CCDC33: variants seen among roughly 807,000 people sequenced by gnomAD.
CCDC33 encodes coiled-coil domain containing 33, also known as coiled-coil domain-containing protein 33.
CCDC33 carries 94 observed loss-of-function variants against 91.9 expected under a neutral mutation model. The ratio of observed to expected loss-of-function variants is 1.02; its 90% CI spans 0.87 to 1.21. The LOEUF (loss-of-function observed/expected upper bound fraction) is 1.21. Among genes scored for constraint, CCDC33 ranks in the 50% most tolerant of loss-of-function variants. The pLI, the probability that CCDC33 is intolerant of heterozygous loss-of-function variation, is 0.00. For synonymous variants in CCDC33, 396 were observed against 374.5 expected (o/e 1.06, Z -0.66); for missense variants, 940 against 935.5 (o/e 1.00, Z -0.06).
Position 74,316,364 on chromosome 15 carries a change from GC to G in CCDC33, c.1291-13824del, listed in dbSNP as rs1169215936. 6.6e-6 allele frequency among the ~76,000 whole-genome samples: 1 copy of G among 152,232 alleles called. No homozygotes were observed. Among genetic ancestry groups the G allele is most frequent in the African/African-American group, 2.4e-5 (1 of 41,466 alleles). ...CAGGCTGAGCTCAGTGCATGCCTCTGCGTAGTGCATTATTGATGGGGCTTCT... is the reference window on the plus strand; with the variant it reads ...CAGGCTGAGCTCAGTGCATGCCTCTGGTAGTGCATTATTGATGGGGCTTCT... On this transcript the variant is annotated intron_variant, in intron 11 of 18. Coordinates refer to ENST00000398814, the MANE Select transcript of CCDC33 (RefSeq NM_025055.5). This position sits in a 1 kb window ranked among gnomAD's most constrained non-coding sequence, Gnocchi z 4.7.
At chr15:74,265,533 T>C (rs552809779) in intron 3 of CCDC33, among the ~76,000 whole-genome samples, 1 of 152,336 alleles carries the variant, frequency 6.6e-6, no homozygotes, top group East Asian at 1.9e-4. Flanking sequence ...GATCAAGTTA[T>C]ATAACCCTCT....
Position 74,334,988 on chromosome 15 carries a change from C to T in CCDC33, c.2039C>T (p.Ala680Val), listed in dbSNP as rs751317499. Residue 680 changes from alanine (A) to valine (V), a missense_variant, in exon 18 of 19, where the codon GCT becomes GTT. Physicochemically the swap from Ala to Val is moderately conservative, Grantham distance 64. Coordinates refer to ENST00000398814, the MANE Select transcript of CCDC33 (RefSeq NM_025055.5). ...LSLESQLEDS[A>V]RRWGREKQDL... The stretch of plus-strand genomic sequence containing the variant: ...CTGTGTCTGCAGTTAGAGGACTCAG[C>T]TCGACGCTGGGGACGAGAGAAGCAG... 2 of 1,614,034 alleles carry T rather than the reference C, an allele frequency of 1.2e-6. No individual in the cohort carries two copies. Among genetic ancestry groups the T allele is most frequent in the African/African-American group, 2.7e-5 (2 of 75,020 alleles).
At chr15:74,335,170 T>G in intron 18 of CCDC33, 82 bp downstream of exon 18, 3 of 1,080,690 alleles carry the variant, frequency 2.8e-6, no homozygotes, top group African/African-American at 1.5e-5. Context: ...CACTGGGCCC[T>G]GAGAAAAGCC....
intron 7 of CCDC33, 80 bp downstream of exon 7, chr15:74,272,971 G>C: frequency 2.6e-6 from 4 of 1,548,138 alleles, no homozygotes; most frequent in Non-Finnish European, 1.8e-6. Context: ...GAGTCAGTCA[G>C]CAGTTCCCTT....
At chr15:74,242,971 A>G (rs2075395409) in intron 1 of CCDC33, among the ~76,000 whole-genome samples, 1 of 151,892 alleles carries the variant, frequency 6.6e-6, no homozygotes, top group Non-Finnish European at 1.5e-5. Context: ...CCAACCCTTT[A>G]AGGCCTCCTC....
At chr15:74,298,951 T>C (rs961976356) in intron 11 of CCDC33, among the ~76,000 whole-genome samples, 2 of 152,130 alleles carry the variant, frequency 1.3e-5, no homozygotes, top group African/African-American at 4.8e-5. Flanking sequence ...AACCTTGTGA[T>C]CTGCCCGCCT....
In CCDC33 at chr15:74,282,792, A is replaced by G. The variant is rs1025707389; in HGVS notation, c.1095+943A>G. Among the ~76,000 whole-genome samples the G allele has an allele frequency of 2.6e-5, 4 of 152,198 alleles. No homozygotes were observed. The South Asian group carries it at 8.3e-4, about 32-fold the overall frequency. ...TGAGCCTCGATCCCTCTCGCTAGCT[A>G]CACCTGGTCTCAGCCCAGCTTAGAC... On this transcript the variant is annotated intron_variant, in intron 10 of 18. Coordinates refer to ENST00000398814, the MANE Select transcript of CCDC33 (RefSeq NM_025055.5).
At chr15:74,323,439 C>G (rs935118233) in intron 11 of CCDC33, among the ~76,000 whole-genome samples, 8 of 152,224 alleles carry the variant, frequency 5.3e-5, no homozygotes, top group African/African-American at 1.9e-4. Context: ...GCCCCTCATG[C>G]CCCTCCCAGC....
intron 2 of CCDC33, among the ~76,000 whole-genome samples, chr15:74,222,475 G>A (rs1016572501): frequency 3.3e-5 from 5 of 149,990 alleles, no homozygotes; most frequent in South Asian, 2.1e-4. Context: ...AAACGATTTC[G>A]TTTCCCAGGA....
At chr15:74,270,876 G>C (rs1259929314) in intron 5 of CCDC33, among the ~76,000 whole-genome samples, 1 of 152,168 alleles carries the variant, frequency 6.6e-6, no homozygotes. Context: ...CTCTCTGAAA[G>C]CTGCGCCAAT....
At chr15:74,329,122 T>C (rs2060372645) in intron 11 of CCDC33, among the ~76,000 whole-genome samples, 1 of 152,308 alleles carries the variant, frequency 6.6e-6, no homozygotes, top group Non-Finnish European at 1.5e-5. Flanking sequence ...GAATTTCTGC[T>C]TATAAAACAA....
At chr15:74,262,365 C>G in intron 2 of CCDC33, 75 bp from the exon 3 acceptor site, 2 of 1,575,728 alleles carry the variant, frequency 1.3e-6, no homozygotes, top group Admixed American at 1.7e-5. Flanking sequence ...GATTTATGGA[C>G]AGTGGAGCCT....
chr15:74,313,229 G>A (rs2060024720), intron 11 of CCDC33, among the ~76,000 whole-genome samples: 1 of 152,068 alleles, frequency 6.6e-6, no homozygotes, highest in African/African-American at 2.4e-5. Flanking sequence ...AGGATGCCAG[G>A]GCAGGTGGCC....
upstream of CCDC33, among the ~76,000 whole-genome samples, chr15:74,215,886 A>AAAAAAAAG (rs1347849570): frequency 8.8e-6 from 1 of 113,840 alleles, no homozygotes; most frequent in African/African-American, 2.9e-5. Context: ...AAAAAAAAAA[A>AAAAAAAAG]AAAGAAAGAA....
At chr15:74,332,618 A>G in intron 15 of CCDC33, 61 bp from the exon 16 acceptor site, 1 of 1,575,850 alleles carries the variant, frequency 6.3e-7, no homozygotes, top group Non-Finnish European at 8.7e-7. Context: ...GGAGCAGATC[A>G]GGACAGGGAC....
intron 2 of CCDC33, among the ~76,000 whole-genome samples, chr15:74,245,258 C>T (rs541789814): frequency 6.6e-6 from 1 of 152,330 alleles, no homozygotes; most frequent in South Asian, 2.1e-4. Flanking sequence ...CTGAGGCCAA[C>T]ACCTGGTTAC....
At chr15:74,264,976 T>A (rs2076129243) in intron 3 of CCDC33, among the ~76,000 whole-genome samples, 1 of 152,160 alleles carries the variant, frequency 6.6e-6, no homozygotes, top group Non-Finnish European at 1.5e-5. Flanking sequence ...CAAGCCAACC[T>A]CAACACCTTC....
chr15:74,333,190 T>G, intron 16 of CCDC33: 1 of 1,516,400 alleles, frequency 6.6e-7, no homozygotes. Flanking sequence ...CTGGTCTTGG[T>G]GCAGCCTTGG....
chr15:74,220,181 T>G lies in CCDC33; in HGVS notation c.675+1320T>G, dbSNP rs552486755. Among the ~76,000 whole-genome samples the G allele has an allele frequency of 2.0e-4, 31 of 152,270 alleles. 1 individual carries two copies. The highest frequency in any genetic ancestry group is 6.2e-4 in the South Asian group (3 of 4,816). Reference sequence around the variant, plus strand: ...GTTTAGGCCAAGTGATAGGGCAGCATGTACCAGGATAACTACGAGGATGAC... The same window carrying G: ...GTTTAGGCCAAGTGATAGGGCAGCAGGTACCAGGATAACTACGAGGATGAC... On this transcript the variant is annotated intron_variant, in intron 2 of 2. Transcript: ENST00000635913.
Sources: gnomAD v4.1 joint callset for allele counts (sites outside exome capture counted in the v4.1 genomes callset) on GRCh38, gnomAD v4.1.1 for gene constraint, Gnocchi (gnomAD v3.1) non-coding constraint, MANE v1.5 for transcripts, NCBI Gene and HGNC (gene_info 2026-07-23, HGNC 2026-07-21) for gene names.